The following KMT2A variants were observed in gnomAD, a reference collection of about 807,000 sequenced individuals.
KMT2A encodes lysine methyltransferase 2A, also known as histone-lysine N-methyltransferase 2A.
Under a neutral mutation model 345.3 loss-of-function variants are expected in KMT2A, and 16 were observed. The observed-to-expected ratio is 0.05, with a 90% CI of 0.03 to 0.07. The LOEUF (loss-of-function observed/expected upper bound fraction) is 0.07. Ranked by LOEUF, KMT2A falls within the 10% of genes least tolerant of loss-of-function variation. The pLI, the probability that KMT2A is intolerant of heterozygous loss-of-function variation, is 1.00. For synonymous variants in KMT2A, 1,599 were observed against 1,778.6 expected (o/e 0.90, Z 2.54); for missense variants, 3,272 against 4,841.6 (o/e 0.68, Z 9.62).
In KMT2A at chr11:118,474,230, C is replaced by T. The variant is rs1555036894; in HGVS notation, c.3071C>T (p.Ala1024Val). Residue 1024 changes from alanine to valine, a missense_variant, in exon 3 of 36, where the codon GCC becomes GTC. Around this residue, in one of 27 missense-constraint regions of KMT2A, gnomAD observed 39 missense variants for 88.9 expected, o/e 0.44. Transcript: ENST00000534358. ...CTTCCAATGACTGACAAGAGGGTTGCCAGCCTCCTAAAAAAGGCCAAAGCT... is the reference window on the plus strand; with the variant it reads ...CTTCCAATGACTGACAAGAGGGTTGTCAGCCTCCTAAAAAAGGCCAAAGCT... ...DKLPMTDKRV[A>V]SLLKKAKAQL... is the part of the protein sequence containing the mutation. 1.2e-6 allele frequency: 2 copies of T among 1,613,988 alleles called. No individual in the cohort carries two copies. The highest frequency in any genetic ancestry group is 1.1e-5 in the South Asian group (1 of 91,074).
intron 28 of KMT2A, 131 bp from the exon 29 acceptor site, chr11:118,509,005 C>T (rs1451632040): frequency 3.0e-6 from 2 of 668,484 alleles, no homozygotes; most frequent in Non-Finnish European, 2.6e-6. Context: ...TCAACAAGTT[C>T]TACAGAAAGC....
chr11:118,501,551 A>T, intron 25 of KMT2A, 121 bp from the exon 26 acceptor site: 1 of 750,508 alleles, frequency 1.3e-6, no homozygotes, highest in Non-Finnish European at 2.1e-6. Flanking sequence ...AAAGTCATTT[A>T]CTTGGGAAGT....
In KMT2A at chr11:118,496,355, T is replaced by C. The variant is rs1265134347; in HGVS notation, c.5652T>C (p.Asp1884=). 3.1e-6 allele frequency: 5 copies of C among 1,612,586 alleles called. No homozygotes were observed. Among genetic ancestry groups the C allele is most frequent in the Middle Eastern group, 3.3e-4 (2 of 6,058 alleles). The change falls in exon 20 of 36, where the codon GAT becomes GAC. Residue 1884 remains aspartate, a synonymous_variant. Transcript: ENST00000534358. The surrounding 1 kb of genome is among the most constrained non-coding windows in gnomAD (Gnocchi z 4.7). ...GTGCGTTATGTTTGACTTATGGTGA[T>C]GACAGTGCTAATGTAAGTACTTTGC... is the stretch of plus-strand genomic sequence containing the variant. ...RQCALCLTYG[D]DSANDAGRLL...
Position 118,436,816 on chromosome 11 carries a change from G to A in KMT2A, c.304G>A (p.Gly102Arg), listed in dbSNP as rs781876156. 1.2e-5 allele frequency: 20 copies of A among 1,609,172 alleles called. No homozygotes were observed. The highest frequency in any genetic ancestry group is 1.5e-5 in the Non-Finnish European group (18 of 1,178,254). The change falls in exon 1 of 36, where the codon GGG becomes AGG. Residue 102 changes from glycine (G) to arginine (R), a missense_variant. Gly to Arg is a moderately radical substitution (Grantham distance 125). This residue lies in a region of KMT2A where 412 missense variants were observed against 511.0 expected (regional missense o/e 0.81). Coordinates refer to ENST00000534358, the MANE Select transcript of KMT2A (RefSeq NM_001197104.2). This position sits in a 1 kb window ranked among gnomAD's most constrained non-coding sequence, Gnocchi z 6.9. ...TTCGTCATCGTCCTCAGCCTCTTCA[G>A]GGCCGGCCCTGCTCCGGGTGGGCCC... ...SSSSSSSASS[G>R]PALLRVGPGF...
At chr11:118,499,968 C>T in intron 24 of KMT2A, 55 bp downstream of exon 24, 1 of 1,172,758 alleles carries the variant, frequency 8.5e-7, no homozygotes, top group Non-Finnish European at 1.3e-6. Context: ...CACACTGAAG[C>T]CATGTGCAGG....
rs560871800 is a variant in KMT2A, at chr11:118,490,466, A to G, written c.4696+217A>G. ...AGGGGACTTTTCATTATAACTAACC[A>G]CAAAGAAATCCTCTAAGCTAGTATT... On this transcript the variant is annotated intron_variant, in intron 13 of 35. Coordinates refer to ENST00000534358, the MANE Select transcript of KMT2A (RefSeq NM_001197104.2). The surrounding 1 kb of genome is among the most constrained non-coding windows in gnomAD (Gnocchi z 4.2). Among the ~76,000 whole-genome samples the G allele has an allele frequency of 6.6e-6, 1 of 152,226 alleles. No individual in the cohort carries two copies. Among genetic ancestry groups the G allele is most frequent in the East Asian group, 1.9e-4 (1 of 5,206 alleles).
intron 1 of KMT2A, among the ~76,000 whole-genome samples, chr11:118,437,833 A>G (rs1949227674): frequency 6.6e-6 from 1 of 152,138 alleles, no homozygotes; most frequent in Non-Finnish European, 1.5e-5. Flanking sequence ...AGAGAAGAGC[A>G]GCTTTCCACC....
At chr11:118,440,223 T>A (rs570198914) in intron 1 of KMT2A, among the ~76,000 whole-genome samples, 4 of 152,378 alleles carry the variant, frequency 2.6e-5, no homozygotes, top group African/African-American at 9.6e-5. Context: ...CTTTGCTGTT[T>A]GAACTCCCTT....
At chr11:118,439,158 C>CAAAAAAAAAAAAAAAGAAAAAA in intron 1 of KMT2A, 6 of 265,446 alleles carry the variant, frequency 2.3e-5, no homozygotes, top group East Asian at 9.3e-5. Flanking sequence ...GATACAGCAG[C>CAAAAAAAAAAAAAAAGAAAAAA]AAAAAAAAAA....
intron 6 of KMT2A, 66 bp downstream of exon 6, chr11:118,480,304 C>CATTT: frequency 8.3e-7 from 1 of 1,204,226 alleles, no homozygotes; most frequent in Non-Finnish European, 1.2e-6. Context: ...TTGTATACAC[C>CATTT]CAGTAGAAGA....
chr11:118,436,558 A>C lies in KMT2A; in HGVS notation c.46A>C (p.Thr16Pro), dbSNP rs2134152157. The C allele has an allele frequency of 1.7e-6, 2 of 1,211,092 alleles. No individual in the cohort carries two copies. The highest frequency in any genetic ancestry group is 2.1e-6 in the Non-Finnish European group (2 of 961,912). 75.0% of individuals were successfully genotyped at this position (1,211,092 alleles called of 1,614,324 possible). The stretch of plus-strand genomic sequence containing the variant: ...GCGCTTCCCCGCCCGACCCGGGACC[A>C]CCGGGGGCGGCGGCGGCGGGGGGCG... ...RWRFPARPGT[T>P]GGGGGGGRRG... Residue 16 changes from threonine (T) to proline (P), a missense_variant, in exon 1 of 36, where the codon ACC becomes CCC. By Grantham distance (38) the Thr-to-Pro change is conservative. Transcript: ENST00000534358. This position sits in a 1 kb window ranked among gnomAD's most constrained non-coding sequence, Gnocchi z 6.9.
At chr11:118,519,363 A>G in intron 31 of KMT2A, 1 of 410,870 alleles carries the variant, frequency 2.4e-6, no homozygotes, top group South Asian at 4.2e-5. Flanking sequence ...ATTTCTGTGT[A>G]ATAAAGCAAA....
At chr11:118,508,052 T>C (rs1334634820) in intron 28 of KMT2A, among the ~76,000 whole-genome samples, 2 of 152,240 alleles carry the variant, frequency 1.3e-5, no homozygotes, top group African/African-American at 2.4e-5. Flanking sequence ...TACAGGCTTG[T>C]AAACAAGTAA....
intron 10 of KMT2A, among the ~76,000 whole-genome samples, chr11:118,486,899 T>A (rs499189): frequency 0.86 from 130,203 of 152,058 alleles, 56,318 homozygotes; most frequent in Admixed American, 0.92. Context: ...AAAAAATTTT[T>A]AAAAATTTAA....
intron 23 of KMT2A, 63 bp from the exon 24 acceptor site, chr11:118,499,772 T>C (rs1555045107): frequency 1.6e-6 from 2 of 1,251,268 alleles, no homozygotes; most frequent in Non-Finnish European, 2.3e-6. Flanking sequence ...AGAGTGAGAC[T>C]CTCTCAAAAA....
intron 31 of KMT2A, among the ~76,000 whole-genome samples, chr11:118,513,436 T>G (rs1415969570): frequency 6.6e-6 from 1 of 152,066 alleles, no homozygotes; most frequent in Non-Finnish European, 1.5e-5. Context: ...ATGTTCTTCC[T>G]TTAAGAGGGA....
intron 1 of KMT2A, among the ~76,000 whole-genome samples, chr11:118,468,129 A>T (rs1555034562): frequency 6.6e-6 from 1 of 152,178 alleles, no homozygotes; most frequent in African/African-American, 2.4e-5. Flanking sequence ...TTCATCCTAT[A>T]TGCAGTCAAT....
At chr11:118,517,691 T>C (rs1555051994) in intron 31 of KMT2A, among the ~76,000 whole-genome samples, 3 of 151,808 alleles carry the variant, frequency 2.0e-5, no homozygotes, top group Non-Finnish European at 4.4e-5. Flanking sequence ...AATTTAAAAA[T>C]TAGCCAAACA....
chr11:118,515,578 A>G (rs781784530), intron 31 of KMT2A, among the ~76,000 whole-genome samples: 16 of 152,150 alleles, frequency 1.1e-4, no homozygotes, highest in Non-Finnish European at 2.4e-4. Flanking sequence ...AGTTCCCACA[A>G]TAACATTCAG....
Sources: gnomAD v4.1 joint callset for allele counts (sites outside exome capture counted in the v4.1 genomes callset) on GRCh38, gnomAD v4.1.1 for gene constraint, gnomAD v4.1.1 regional missense constraint, Gnocchi (gnomAD v3.1) non-coding constraint, MANE v1.5 for transcripts, NCBI Gene and HGNC (gene_info 2026-07-23, HGNC 2026-07-21) for gene names.